The following MTMR12 variants were observed in gnomAD, a reference collection of about 807,000 sequenced individuals.
MTMR12 encodes myotubularin related protein 12.
In MTMR12, 33 loss-of-function variants were observed where a neutral mutation model predicts 96.7. The observed-to-expected ratio is 0.34, with a 90% CI of 0.26 to 0.46. The LOEUF is 0.46. MTMR12 is among the 20% of genes least tolerant of loss of function. The pLI, the probability that MTMR12 is intolerant of heterozygous loss-of-function variation, is 1.00. For synonymous variants in MTMR12, 298 were observed against 327.2 expected (o/e 0.91, Z 0.96); for missense variants, 721 against 896.1 (o/e 0.80, Z 2.49).
chr5:32,255,598 C>T, intron 8 of MTMR12, 95 bp downstream of exon 8: 1 of 1,186,706 alleles, frequency 8.4e-7, no homozygotes, highest in East Asian at 2.6e-5. Context: ...TGAAAACAAA[C>T]TCTAGAACAA....
At position 32,248,041 on chromosome 5, in the gene MTMR12, G is replaced by A; in HGVS notation, c.982C>T (p.Gln328Ter). Residue 328 changes from glutamine to a stop codon, truncating the protein, a stop_gained, in exon 10 of 16, where the codon CAG (glutamine) becomes TAG (stop). Transcript: ENST00000382142. LOFTEE classifies it high-confidence loss of function. The part of the protein sequence containing the change: ...SSNFLSLQEI[Q>*]TAYSKFKQLF... The stretch of plus-strand genomic sequence containing the variant: ...TGTTTAAATTTAGAGTATGCAGTCT[G>A]GATTTCCTGCAGGGACAGGAAGTTG... The A allele has an allele frequency of 6.2e-7, 1 of 1,614,004 alleles. No homozygotes were observed. The highest frequency in any genetic ancestry group is 8.5e-7 in the Non-Finnish European group (1 of 1,179,894).
rs781010444 is a variant in MTMR12 at position 32,243,610 on chromosome 5, A to T, written c.1022-11T>A. 1.3e-6 allele frequency: 2 copies of T among 1,546,918 alleles called. No individual in the cohort carries two copies. Among genetic ancestry groups the T allele is most frequent in the Non-Finnish European group, 1.8e-6 (2 of 1,120,800 alleles). On this transcript the variant is annotated splice_polypyrimidine_tract_variant and intron_variant, in intron 10 of 15. Transcript: ENST00000382142. ...ATTCAGTACTGTTATCTGAAAAAAG[A>T]AAAAGGAGTAAAGACGTCAGGTCAT...
chr5:32,245,518 T>A (rs1748644368), intron 10 of MTMR12, among the ~76,000 whole-genome samples: 1 of 152,104 alleles, frequency 6.6e-6, no homozygotes, highest in South Asian at 2.1e-4. Flanking sequence ...TACAAAAGCG[T>A]TGGCCAACTT....
chr5:32,307,583 C>T (rs1751409365), intron 1 of MTMR12, among the ~76,000 whole-genome samples: 1 of 152,108 alleles, frequency 6.6e-6, no homozygotes, highest in Non-Finnish European at 1.5e-5. Context: ...AAATTATGGT[C>T]CTATATACAA....
intron 6 of MTMR12, among the ~76,000 whole-genome samples, chr5:32,265,720 T>A (rs531124833): frequency 6.6e-6 from 1 of 152,354 alleles, no homozygotes; most frequent in East Asian, 1.9e-4. Flanking sequence ...GTCAGTGTAA[T>A]TCTCTAAGCA....
Position 32,233,211 on chromosome 5 carries a change from CTT to C in MTMR12, c.1674+560_1674+561del, listed in dbSNP as rs767162675. ...CCTACTTGTTCACCTACTAAGGCTC[CTT>C]TTTTTTTTTTCAAGTAAAGGAATAA... On this transcript the variant is annotated intron_variant, in intron 15 of 15. Transcript: ENST00000382142. This position sits in a 1 kb window ranked among gnomAD's most constrained non-coding sequence, Gnocchi z 5.0. 2.1e-5 allele frequency among the ~76,000 whole-genome samples: 3 copies of C among 145,114 alleles called. No individual in the cohort carries two copies.
rs1747825564 is a variant in MTMR12, at chr5:32,228,534, GATATATATATCATATATATGTGAT to G, written c.*1220_*1243del. On this transcript the variant is annotated 3_prime_UTR_variant, in exon 16 of 16. Transcript: ENST00000382142. ...TAAAAAAAATATATATCATATATAT[GATATATATATCATATATATGTGAT>G]ATATATATATCATATATATATCATA... 1.1e-5 allele frequency: 1 copy of G among 87,524 alleles called. No individual in the cohort carries two copies. The highest frequency in any genetic ancestry group is 4.4e-5 in the African/African-American group (1 of 22,612). The allele number at this position is 87,524 out of a possible 1,614,324, so 5.4% of individuals were successfully genotyped here. A position where few individuals can be genotyped will look rare whatever the true frequency, so the allele number is the denominator to read the frequency against.
chr5:32,255,614 A>T, intron 8 of MTMR12, 79 bp downstream of exon 8: 5 of 1,316,234 alleles, frequency 3.8e-6, no homozygotes, highest in Non-Finnish European at 5.2e-6. Context: ...AACAAAAGCC[A>T]AGGGCTTTCA....
chr5:32,295,059 C>T (rs766498699), intron 1 of MTMR12, among the ~76,000 whole-genome samples: 4 of 152,190 alleles, frequency 2.6e-5, no homozygotes. Context: ...ATCTACTATC[C>T]AGCTGTAGGA....
In MTMR12 at chr5:32,297,299, C is replaced by T. The variant is rs76113473; in HGVS notation, c.81+15459G>A. On this transcript the variant is annotated intron_variant, in intron 1 of 15. Coordinates refer to ENST00000382142, the MANE Select transcript of MTMR12 (RefSeq NM_001040446.3). The stretch of plus-strand genomic sequence containing the variant: ...GCAAAGCACCTCATACCAAAGCTGA[C>T]CTGTTATTCCCCACTCAATCCCTCT... 3.4e-3 allele frequency among the ~76,000 whole-genome samples: 520 copies of T among 152,266 alleles called. 18 individuals carry two copies. The East Asian group carries it at 0.088, about 26-fold the overall frequency.
In MTMR12 at chr5:32,312,765, C is replaced by T. The variant is rs762666227; in HGVS notation, c.74G>A (p.Arg25His). The change falls in exon 1 of 16, where the codon CGC becomes CAC. Residue 25 changes from arginine to histidine, a missense_variant. By Grantham distance (29) the Arg-to-His change is conservative. Transcript: ENST00000382142. The surrounding 1 kb of genome is among the most constrained non-coding windows in gnomAD (Gnocchi z 5.0). ...APKPSFVSYV[R>H]PEEIHTNEKE... ...TGCGCGGCGCCCCCTCACCTCAGGG[C>T]GTACGTACGACACGAAGGAGGGCTT... The T allele has an allele frequency of 6.5e-7, 1 of 1,527,400 alleles. No homozygotes were observed. Among genetic ancestry groups the T allele is most frequent in the Admixed American group, 2.0e-5 (1 of 49,240 alleles). The allele number at this position is 1,527,400 out of a possible 1,614,324, so 94.6% of individuals were successfully genotyped here.
chr5:32,284,964 A>G (rs907001148), intron 1 of MTMR12, among the ~76,000 whole-genome samples: 3 of 152,214 alleles, frequency 2.0e-5, no homozygotes, highest in African/African-American at 7.2e-5. Flanking sequence ...AAAGCTTGCC[A>G]TTATGGCACA....
chr5:32,233,740 G>A lies in MTMR12; in HGVS notation c.1674+33C>T. The A allele has an allele frequency of 6.2e-7, 1 of 1,614,048 alleles. No homozygotes were observed. Among genetic ancestry groups the A allele is most frequent in the Non-Finnish European group, 8.5e-7 (1 of 1,179,898 alleles). ...TCATTACATGCACGGGGTCTGGGCA[G>A]CTGAAGGGGGTTTAGACATGTGGAC... On this transcript the variant is annotated intron_variant, in intron 15 of 15. Transcript: ENST00000382142. This position sits in a 1 kb window ranked among gnomAD's most constrained non-coding sequence, Gnocchi z 5.0.
intron 6 of MTMR12, among the ~76,000 whole-genome samples, chr5:32,264,416 GCTTATATA>G (rs1384133469): frequency 6.6e-6 from 1 of 151,620 alleles, no homozygotes; most frequent in East Asian, 1.9e-4. Context: ...TGATAATAGT[GCTTATATA>G]GCACTTACTA....
intron 6 of MTMR12, among the ~76,000 whole-genome samples, chr5:32,265,166 C>T (rs951492630): frequency 6.6e-6 from 1 of 152,178 alleles, no homozygotes; most frequent in Non-Finnish European, 1.5e-5. Flanking sequence ...GCGAAACACC[C>T]ACCTCTACAA....
At chr5:32,251,201 G>A (rs983792887) in intron 8 of MTMR12, among the ~76,000 whole-genome samples, 9 of 151,088 alleles carry the variant, frequency 6.0e-5, no homozygotes, top group Non-Finnish European at 8.9e-5. Flanking sequence ...GACTACAGGC[G>A]CCCGCCACTA....
intron 1 of MTMR12, among the ~76,000 whole-genome samples, chr5:32,293,527 G>A (rs1034879686): frequency 5.3e-5 from 8 of 152,114 alleles, no homozygotes; most frequent in African/African-American, 1.2e-4. Context: ...CTGTGATCAT[G>A]TAAGTTAATA....
At chr5:32,254,292 T>A (rs1315812475) in intron 8 of MTMR12, among the ~76,000 whole-genome samples, 1 of 152,236 alleles carries the variant, frequency 6.6e-6, no homozygotes, top group East Asian at 1.9e-4. Context: ...ATTTGTCATA[T>A]GTACCGTGGT....
At chr5:32,305,859 C>T (rs1012824405) in intron 1 of MTMR12, among the ~76,000 whole-genome samples, 2 of 151,016 alleles carry the variant, frequency 1.3e-5, no homozygotes, top group South Asian at 2.1e-4. Context: ...GCCGAGATTG[C>T]GCCATTGCAC....
Sources: gnomAD v4.1 joint callset for allele counts (sites outside exome capture counted in the v4.1 genomes callset) on GRCh38, gnomAD v4.1.1 for gene constraint, Gnocchi (gnomAD v3.1) non-coding constraint, MANE v1.5 for transcripts, NCBI Gene and HGNC (gene_info 2026-07-23, HGNC 2026-07-21) for gene names.